PCDH9: variants seen among roughly 807,000 people sequenced by gnomAD.
The protein encoded by PCDH9 is protocadherin-9.
PCDH9 carries 24 observed loss-of-function variants against 70.6 expected under a neutral mutation model. That is an observed-to-expected ratio of 0.34 (90% CI 0.25 to 0.48). PCDH9 has a LOEUF of 0.48. PCDH9 is among the 20% of genes least tolerant of loss of function. The probability of loss-of-function intolerance (pLI) is 0.99; values close to 1 mark genes in which losing one functional copy is unlikely to be tolerated. For synonymous variants in PCDH9, 562 were observed against 558.5 expected (o/e 1.01, Z -0.09); for missense variants, 1,281 against 1,503.6 (o/e 0.85, Z 2.45).
chr13:67,091,676 A>G lies in PCDH9; in HGVS notation c.3036+133729T>C, dbSNP rs117917409. Among the ~76,000 whole-genome samples, 658 of 152,314 alleles carry G rather than the reference A, an allele frequency of 4.3e-3. 14 individuals carry two copies. The East Asian group carries it at 0.055, about 13-fold the overall frequency. Reference sequence around the variant, plus strand: ...TAGTGGTTTCATTTGCATAATGAAAATATTAATACCAATGTAATCATTAGA... The same window carrying G: ...TAGTGGTTTCATTTGCATAATGAAAGTATTAATACCAATGTAATCATTAGA... On this transcript the variant is annotated intron_variant, in intron 2 of 4. Transcript: ENST00000377865.
intron 2 of PCDH9, among the ~76,000 whole-genome samples, chr13:67,026,527 C>G (rs1301510980): frequency 6.6e-6 from 1 of 152,096 alleles, no homozygotes; most frequent in Non-Finnish European, 1.5e-5. Flanking sequence ...CCTCCCTCAC[C>G]ACTCCTATTC....
intron 3 of PCDH9, among the ~76,000 whole-genome samples, chr13:66,873,100 T>A (rs1306756498): frequency 6.6e-6 from 1 of 152,126 alleles, no homozygotes; most frequent in Admixed American, 6.6e-5. Flanking sequence ...TTTCTCCCAT[T>A]TATTCTGAAA....
intron 2 of PCDH9, among the ~76,000 whole-genome samples, chr13:66,915,631 T>C (rs1302512562): frequency 2.6e-5 from 4 of 151,656 alleles, no homozygotes; most frequent in East Asian, 3.9e-4. Flanking sequence ...AAAATATATA[T>C]ACATAACTTT....
At chr13:66,415,623 A>G (rs76409304) in intron 4 of PCDH9, among the ~76,000 whole-genome samples, 7 of 152,308 alleles carry the variant, frequency 4.6e-5, no homozygotes, top group African/African-American at 1.7e-4. Flanking sequence ...TTCCTTGGAA[A>G]CTGCTTTCTA....
intron 4 of PCDH9, among the ~76,000 whole-genome samples, chr13:66,509,351 G>C (rs529507978): frequency 6.6e-6 from 1 of 152,056 alleles, no homozygotes; most frequent in South Asian, 2.1e-4. Context: ...ACATTGAAGG[G>C]TCCCAGTCTC....
intron 2 of PCDH9, among the ~76,000 whole-genome samples, chr13:67,125,253 G>A (rs2086953883): frequency 6.6e-6 from 1 of 152,092 alleles, no homozygotes; most frequent in African/African-American, 2.4e-5. Context: ...TTTGATCTGT[G>A]GTGTCATATG....
At chr13:66,753,644 C>G (rs560214181) in intron 3 of PCDH9, among the ~76,000 whole-genome samples, 2 of 152,272 alleles carry the variant, frequency 1.3e-5, no homozygotes, top group African/African-American at 4.8e-5. Flanking sequence ...AGAGCAGGCT[C>G]TCTATAGCAC....
At chr13:66,704,121 A>T (rs1454584216) in intron 3 of PCDH9, among the ~76,000 whole-genome samples, 4 of 152,214 alleles carry the variant, frequency 2.6e-5, no homozygotes, top group Non-Finnish European at 4.4e-5. Flanking sequence ...CAAAATATTT[A>T]CTTTTGTGTA....
intron 4 of PCDH9, among the ~76,000 whole-genome samples, chr13:66,471,470 C>T (rs1161597215): frequency 6.6e-6 from 1 of 152,074 alleles, no homozygotes; most frequent in Non-Finnish European, 1.5e-5. Flanking sequence ...TTTAATGGAT[C>T]TCAATTTTCT....
Position 66,304,676 on chromosome 13 carries a change from A to G in PCDH9, c.3693T>C (p.Ser1231=). Residue 1231 remains serine (S), a synonymous_variant, in exon 5 of 5, where the codon AGT becomes AGC. Transcript: ENST00000377865. ...SYKQAGGATE[S]PKEHQL ...TTTCTTAGAGTTGGTGCTCCTTAGG[A>G]CTCTCAGTAGCACCTCCTGCTTGCT... 1 of 1,612,234 alleles carries G rather than the reference A, an allele frequency of 6.2e-7. No individual in the cohort carries two copies. Among genetic ancestry groups the G allele is most frequent in the Non-Finnish European group, 8.5e-7 (1 of 1,178,678 alleles).
intron 2 of PCDH9, chr13:67,208,551 A>C (rs564807050): frequency 5.3e-5 from 8 of 152,272 alleles, no homozygotes; most frequent in Non-Finnish European, 7.4e-5. Flanking sequence ...TGATTAGGAA[A>C]CAATTAGGCT....
chr13:66,631,243 T>G lies in PCDH9; in HGVS notation c.3307A>C (p.Thr1103Pro). The G allele has an allele frequency of 1.2e-6, 2 of 1,608,262 alleles. No homozygotes were observed. Among genetic ancestry groups the G allele is most frequent in the Non-Finnish European group, 1.7e-6 (2 of 1,174,640 alleles). Residue 1103 changes from threonine (T) to proline (P), a missense_variant, in exon 4 of 5, where the codon ACT becomes CCT. Physicochemically the swap from Thr to Pro is conservative, Grantham distance 38 (BLOSUM62 -1). This residue lies in a region of PCDH9 where 264 missense variants were observed against 278.8 expected (regional missense o/e 0.95). Coordinates refer to ENST00000377865, the MANE Select transcript of PCDH9 (RefSeq NM_203487.3). ...GGATCAGAGTTGCCATCTGCTTCAG[T>G]CCTCTTGTCCGGAGAGGCCTGGTCA... ...FYDQASPDKR[T>P]EADGNSDPNS...
At chr13:66,759,881 T>C (rs2079596948) in intron 3 of PCDH9, among the ~76,000 whole-genome samples, 1 of 152,170 alleles carries the variant, frequency 6.6e-6, no homozygotes, top group African/African-American at 2.4e-5. Context: ...GAGATTTACA[T>C]ATCACCATTA....
At chr13:66,654,914 C>T (rs997384421) in intron 3 of PCDH9, among the ~76,000 whole-genome samples, 3 of 151,596 alleles carry the variant, frequency 2.0e-5, no homozygotes, top group South Asian at 4.2e-4. Context: ...TTTGTAGAGA[C>T]GGGGTTTTGC....
intron 3 of PCDH9, among the ~76,000 whole-genome samples, chr13:66,699,262 T>C (rs1430629384): frequency 6.6e-6 from 1 of 152,062 alleles, no homozygotes; most frequent in Non-Finnish European, 1.5e-5. Flanking sequence ...CAGGAAATAA[T>C]TGTTTGAGAC....
chr13:67,094,562 C>G (rs2086282747), intron 2 of PCDH9, among the ~76,000 whole-genome samples: 1 of 152,000 alleles, frequency 6.6e-6, no homozygotes, highest in Non-Finnish European at 1.5e-5. Context: ...AGTAACATGC[C>G]CAAGGTGACA....
rs1394426464 is a variant in PCDH9 at position 67,226,108 on chromosome 13, G to C, written c.2333C>G (p.Ala778Gly). 6.2e-7 allele frequency: 1 copy of C among 1,614,020 alleles called. No individual in the cohort carries two copies. Among genetic ancestry groups the C allele is most frequent in the Non-Finnish European group, 8.5e-7 (1 of 1,180,022 alleles). Residue 778 changes from alanine to glycine, a missense_variant, in exon 2 of 5, where the codon GCT becomes GGT. Coordinates refer to ENST00000377865, the MANE Select transcript of PCDH9 (RefSeq NM_203487.3). The surrounding 1 kb of genome is among the most constrained non-coding windows in gnomAD (Gnocchi z 5.0). ...VLVFLYVNDT[A>G]GNASYIYDLI... ...GTCATAGATATAGGAGGCATTTCCA[G>C]CAGTGTCGTTAACATAAAGGAATAC...
intron 4 of PCDH9, among the ~76,000 whole-genome samples, chr13:66,377,025 C>T (rs1224306547): frequency 6.6e-6 from 1 of 152,068 alleles, no homozygotes; most frequent in Non-Finnish European, 1.5e-5. Flanking sequence ...ACCGGCTTAA[C>T]CAAGATGCCC....
chr13:66,932,667 T>TATATATATATATAC (rs2082833167), intron 2 of PCDH9, among the ~76,000 whole-genome samples: 1 of 142,276 alleles, frequency 7.0e-6, no homozygotes, highest in African/African-American at 2.8e-5. Context: ...CACATATATA[T>TATATATATATATAC]ATATATATAT....
Sources: allele counts gnomAD v4.1 joint callset (sites outside exome capture counted in the v4.1 genomes callset), GRCh38; gene constraint gnomAD v4.1.1; regional missense constraint gnomAD v4.1.1; non-coding constraint Gnocchi (gnomAD v3.1); transcripts MANE v1.5; gene names NCBI Gene and HGNC (gene_info 2026-07-23, HGNC 2026-07-21).